Variants in VPS54 observed in about 807,000 individuals in gnomAD.
VPS54 encodes the protein vacuolar protein sorting-associated protein 54.
A neutral mutation model predicts 121.5 loss-of-function variants in VPS54; 45 were observed. The observed-to-expected ratio is 0.37, with a 90% CI of 0.29 to 0.47. The LOEUF is 0.47. VPS54 is among the 20% of genes least tolerant of loss of function. The pLI is 0.99. For missense variants in VPS54, 1,090 were observed against 1,131.4 expected (o/e 0.96, Z 0.52); for synonymous variants, 371 against 385.8 (o/e 0.96, Z 0.45).
chr2:63,912,789 G>C (rs1330027077), intron 18 of VPS54, 128 bp from the exon 19 acceptor site: 7 of 1,170,792 alleles, frequency 6.0e-6, no homozygotes, highest in Non-Finnish European at 8.2e-6. Context: ...CATAAACGAA[G>C]AGCCCTATGG....
chr2:63,907,882 C>T (rs1470678316), intron 20 of VPS54, among the ~76,000 whole-genome samples: 3 of 152,096 alleles, frequency 2.0e-5, no homozygotes, highest in African/African-American at 7.2e-5. Flanking sequence ...TCCATACACA[C>T]CTACAAGAGG....
intron 13 of VPS54, 85 bp downstream of exon 13, chr2:63,921,121 T>TG (rs1254363323): frequency 7.1e-7 from 1 of 1,409,718 alleles, no homozygotes; most frequent in Non-Finnish European, 9.5e-7. Flanking sequence ...ATATGCATTA[T>TG]GGGGAACACA....
intron 6 of VPS54, among the ~76,000 whole-genome samples, chr2:63,964,630 G>A (rs149483041): frequency 1.6e-3 from 242 of 152,258 alleles, no homozygotes; most frequent in Middle Eastern, 3.4e-3. Flanking sequence ...AGGTGACAAT[G>A]TTGCCAAAGG....
At chr2:63,899,262 G>GT (rs1318203842) in intron 21 of VPS54, among the ~76,000 whole-genome samples, 4 of 152,184 alleles carry the variant, frequency 2.6e-5, no homozygotes, top group Non-Finnish European at 5.9e-5. Context: ...TTATAATATA[G>GT]TAAAGCTCTA....
rs183756569 is a variant in VPS54 at position 63,913,340 on chromosome 2, A to C, written c.2335-30T>G. On this transcript the variant is annotated intron_variant, in intron 17 of 22. Transcript: ENST00000272322. ...CAAAAGAAGGAGAAAAAAACCCCAAAATTTACTAAAAACTGTTCTTTATAT... is the reference window on the plus strand; with the variant it reads ...CAAAAGAAGGAGAAAAAAACCCCAACATTTACTAAAAACTGTTCTTTATAT... 179 of 1,547,716 alleles carry C rather than the reference A, an allele frequency of 1.2e-4. No homozygotes were observed. The African/African-American group carries it at 2.3e-3, about 20-fold the overall frequency.
At chr2:63,988,168 CT>C (rs1192858680) in intron 1 of VPS54, among the ~76,000 whole-genome samples, 1 of 152,152 alleles carries the variant, frequency 6.6e-6, no homozygotes, top group Non-Finnish European at 1.5e-5. Flanking sequence ...TCATACATGG[CT>C]TTTACTGTTT....
intron 7 of VPS54, among the ~76,000 whole-genome samples, chr2:63,954,196 T>C (rs1454474861): frequency 6.6e-6 from 1 of 151,964 alleles, no homozygotes; most frequent in Non-Finnish European, 1.5e-5. Context: ...ACTATAAACA[T>C]CCTGTCATAA....
At chr2:63,992,838 A>T (rs1003655632) in intron 1 of VPS54, among the ~76,000 whole-genome samples, 4 of 152,218 alleles carry the variant, frequency 2.6e-5, no homozygotes, top group Non-Finnish European at 4.4e-5. Context: ...GCTTTACATA[A>T]ATCAGATTGT....
intron 4 of VPS54, among the ~76,000 whole-genome samples, chr2:63,970,296 T>C (rs1017352743): frequency 6.9e-6 from 1 of 145,276 alleles, no homozygotes; most frequent in Non-Finnish European, 1.5e-5. Context: ...TATATATAGA[T>C]ATATATAGAT....
At chr2:63,899,132 A>C (rs1672562832) in intron 21 of VPS54, among the ~76,000 whole-genome samples, 1 of 152,208 alleles carries the variant, frequency 6.6e-6, no homozygotes, top group Non-Finnish European at 1.5e-5. Flanking sequence ...ACCGTAACAT[A>C]TTTTGCTACT....
chr2:63,974,513 C>G (rs1676428725), intron 3 of VPS54, among the ~76,000 whole-genome samples: 1 of 152,148 alleles, frequency 6.6e-6, no homozygotes, highest in Non-Finnish European at 1.5e-5. Flanking sequence ...TATGTTGACT[C>G]TATTGATCAA....
At chr2:63,951,852 T>G (rs934880453) in intron 7 of VPS54, among the ~76,000 whole-genome samples, 2 of 152,200 alleles carry the variant, frequency 1.3e-5, no homozygotes, top group Non-Finnish European at 2.9e-5. Context: ...ACCCATGTTG[T>G]TCAAGGTCAA....
intron 3 of VPS54, among the ~76,000 whole-genome samples, chr2:63,977,969 T>C (rs942852793): frequency 6.6e-6 from 1 of 152,210 alleles, no homozygotes; most frequent in Non-Finnish European, 1.5e-5. Context: ...ACCTCTTAAA[T>C]AAGGTCTGAG....
chr2:64,017,149 G>C (rs530385291), intron 1 of VPS54, among the ~76,000 whole-genome samples: 95 of 151,582 alleles, frequency 6.3e-4, no homozygotes, highest in Middle Eastern at 6.9e-3. Context: ...AGACCAGCCT[G>C]GCTAATATGG....
intron 1 of VPS54, among the ~76,000 whole-genome samples, chr2:63,985,680 T>TACACACACACACACACACAC (rs3079061): frequency 6.9e-6 from 1 of 144,924 alleles, no homozygotes; most frequent in African/African-American, 2.6e-5. Context: ...TGACAAATTA[T>TACACACACACACACACACAC]ACACACACAC....
intron 1 of VPS54, among the ~76,000 whole-genome samples, chr2:64,011,604 A>G (rs1387236488): frequency 6.6e-6 from 1 of 152,168 alleles, no homozygotes; most frequent in Admixed American, 6.5e-5. Flanking sequence ...CAGGCCTGGA[A>G]TATGAATAAA....
chr2:63,942,340 T>C lies in VPS54; in HGVS notation c.1398+125A>G, dbSNP rs564249782. 7.9e-6 allele frequency: 5 copies of C among 629,486 alleles called. No homozygotes were observed. The East Asian group carries it at 1.0e-4, about 13-fold the overall frequency. 39.0% of individuals were successfully genotyped at this position (629,486 alleles called of 1,614,324 possible). ...ATTTTTATTTAAAAACAAGCCTCTTTAGAAAAATTACAAAAACAAAGAAAC... is the reference window on the plus strand; with the variant it reads ...ATTTTTATTTAAAAACAAGCCTCTTCAGAAAAATTACAAAAACAAAGAAAC... On this transcript the variant is annotated intron_variant, in intron 11 of 22. Transcript: ENST00000272322.
chr2:63,957,745 T>TA (rs1675569026), intron 7 of VPS54, among the ~76,000 whole-genome samples: 1 of 152,148 alleles, frequency 6.6e-6, no homozygotes, highest in South Asian at 2.1e-4. Flanking sequence ...CAAATGTATG[T>TA]AGGAAGATGC....
intron 1 of VPS54, among the ~76,000 whole-genome samples, chr2:64,013,331 T>A (rs1289300428): frequency 6.6e-6 from 1 of 152,020 alleles, no homozygotes; most frequent in African/African-American, 2.4e-5. Flanking sequence ...GGACATATGG[T>A]CTCTACTTCT....
Sources: gnomAD v4.1 joint callset for allele counts (sites outside exome capture counted in the v4.1 genomes callset) on GRCh38, gnomAD v4.1.1 for gene constraint, MANE v1.5 for transcripts, NCBI Gene and HGNC (gene_info 2026-07-23, HGNC 2026-07-21) for gene names.